Variants in ADAT1 observed in about 807,000 individuals in gnomAD.
ADAT1 encodes tRNA-specific adenosine deaminase 1.
In ADAT1, 58 loss-of-function variants were observed where a neutral mutation model predicts 58.6. That is an observed-to-expected ratio of 0.99 (90% CI 0.80 to 1.23). The LOEUF (loss-of-function observed/expected upper bound fraction) is 1.23. Ranked by LOEUF, ADAT1 falls within the 50% of genes most tolerant of loss-of-function variation. The pLI is 0.00. For synonymous variants in ADAT1, 254 were observed against 220.8 expected, an observed-to-expected ratio of 1.15 and a Z score of -1.33; for missense variants, 741 against 608.6, an observed-to-expected ratio of 1.22 and a Z score of -2.29.
intron 8 of ADAT1, among the ~76,000 whole-genome samples, chr16:75,604,633 A>T (rs1485016868): frequency 6.6e-6 from 1 of 151,424 alleles, no homozygotes; most frequent in Non-Finnish European, 1.5e-5. Context: ...AGAGTACTTA[A>T]ATTTATAAAG....
At chr16:75,606,814 A>C (rs1404732598) in intron 8 of ADAT1, among the ~76,000 whole-genome samples, 1 of 152,254 alleles carries the variant, frequency 6.6e-6, no homozygotes. Context: ...GTTACATAGA[A>C]ACAGATAACT....
In ADAT1 at chr16:75,598,716, A is replaced by G. The variant is rs2081138634; in HGVS notation, c.*1500T>C. ...GTATTTTTAGCAGAGACGGGGTTTC[A>G]TCATGTTGGCCAGACTGGTCTCGAA... On this transcript the variant is annotated 3_prime_UTR_variant, in exon 10 of 10. Transcript: ENST00000564657. 6.6e-6 allele frequency among the ~76,000 whole-genome samples: 1 copy of G among 151,484 alleles called. No homozygotes were observed. Among genetic ancestry groups the G allele is most frequent in the South Asian group, 2.1e-4 (1 of 4,804 alleles).
intron 9 of ADAT1, 73 bp from the exon 10 acceptor site, chr16:75,600,421 G>C: frequency 6.3e-7 from 1 of 1,585,672 alleles, no homozygotes; most frequent in Non-Finnish European, 8.6e-7. Flanking sequence ...AGACACCTGA[G>C]CAAGCAACTG....
Position 75,600,032 on chromosome 16 carries a change from G to C in ADAT1, c.*184C>G. 7.1e-7 allele frequency: 1 copy of C among 1,411,238 alleles called. No homozygotes were observed. The highest frequency in any genetic ancestry group is 9.3e-7 in the Non-Finnish European group (1 of 1,079,892). The allele number at this position is 1,411,238 out of a possible 1,614,324, so 87.4% of individuals were successfully genotyped here. ...TCATTAGTGAGATGCCATTTTAGCA[G>C]AGAGCTACTTCAATCAAGTATAGCT... On this transcript the variant is annotated 3_prime_UTR_variant, in exon 10 of 10. Coordinates refer to ENST00000564657, the MANE Select transcript of ADAT1 (RefSeq NM_001324445.2).
intron 8 of ADAT1, among the ~76,000 whole-genome samples, chr16:75,605,827 C>T (rs2081353066): frequency 6.6e-6 from 1 of 150,822 alleles, no homozygotes; most frequent in Non-Finnish European, 1.5e-5. Context: ...ATCCCAGCTA[C>T]TCGGGAGGCT....
At chr16:75,603,243 A>C (rs1030404544) in intron 8 of ADAT1, 72 bp from the exon 9 acceptor site, 7 of 1,358,862 alleles carry the variant, frequency 5.2e-6, no homozygotes, top group African/African-American at 1.4e-5. Flanking sequence ...CAAAGATGCC[A>C]GGCTTCATGT....
At chr16:75,611,863 G>A (rs897582146) in intron 6 of ADAT1, among the ~76,000 whole-genome samples, 3 of 151,896 alleles carry the variant, frequency 2.0e-5, no homozygotes, top group Non-Finnish European at 4.4e-5. Flanking sequence ...TTTGAGACCA[G>A]CCTGACCAAC....
Position 75,597,592 on chromosome 16 carries a change from C to T in ADAT1, c.*2624G>A, listed in dbSNP as rs1025558864. Reference sequence around the variant, plus strand: ...ATTACATTTACTGTGCACTGTATTTCTATTATTATTACATCGTAATACATG... The same window carrying T: ...ATTACATTTACTGTGCACTGTATTTTTATTATTATTACATCGTAATACATG... On this transcript the variant is annotated 3_prime_UTR_variant, in exon 10 of 10. Transcript: ENST00000564657. 2.0e-5 allele frequency among the ~76,000 whole-genome samples: 3 copies of T among 152,158 alleles called. No individual in the cohort carries two copies. The highest frequency in any genetic ancestry group is 4.4e-5 in the Non-Finnish European group (3 of 68,024).
Position 75,617,252 on chromosome 16 carries a change from T to C in ADAT1, c.314A>G (p.Gln105Arg), listed in dbSNP as rs770205207. The change falls in exon 5 of 10, where the codon CAG (glutamine) becomes CGG (arginine). Residue 105 changes from glutamine (Q) to arginine (R), a missense_variant. Gln to Arg is a conservative substitution (Grantham distance 43). Transcript: ENST00000564657. ...ATCCTCTTTCAGGGTGGCTGCCAAC[T>C]GGAGTTGGTGGAGAAGGTACCTAAG... ...SFQRYLLHQL[Q>R]LAATLKEDSI... 1.2e-6 allele frequency: 2 copies of C among 1,613,486 alleles called. No individual in the cohort carries two copies. The highest frequency in any genetic ancestry group is 1.7e-6 in the Non-Finnish European group (2 of 1,179,446).
intron 2 of ADAT1, 124 bp downstream of exon 2, chr16:75,620,507 G>C: frequency 7.1e-7 from 1 of 1,414,150 alleles, no homozygotes; most frequent in Non-Finnish European, 9.8e-7. Flanking sequence ...ACCTAGCAGA[G>C]GACAAGCACA....
chr16:75,600,568 G>A (rs890391779), intron 9 of ADAT1, among the ~76,000 whole-genome samples: 9 of 152,176 alleles, frequency 5.9e-5, no homozygotes, highest in African/African-American at 1.7e-4. Context: ...CACTCAGGGC[G>A]CATAACATTG....
intron 5 of ADAT1, among the ~76,000 whole-genome samples, chr16:75,616,712 T>G (rs1253491513): frequency 6.6e-6 from 1 of 152,232 alleles, no homozygotes; most frequent in African/African-American, 2.4e-5. Flanking sequence ...AGCAATATGC[T>G]AGTCTTATTC....
At chr16:75,616,835 C>G (rs991233487) in intron 5 of ADAT1, among the ~76,000 whole-genome samples, 1 of 152,208 alleles carries the variant, frequency 6.6e-6, no homozygotes, top group African/African-American at 2.4e-5. Flanking sequence ...GATTTCCAAG[C>G]CCCATGTTGG....
chr16:75,608,043 C>T (rs997563294), intron 8 of ADAT1, among the ~76,000 whole-genome samples, 181 bp downstream of exon 8: 21 of 152,114 alleles, frequency 1.4e-4, no homozygotes, highest in Non-Finnish European at 2.2e-4. Flanking sequence ...GACAAATCCA[C>T]GGAGACAGGA....
chr16:75,602,498 A>G (rs972617652), intron 9 of ADAT1, among the ~76,000 whole-genome samples: 5 of 152,180 alleles, frequency 3.3e-5, no homozygotes, highest in Non-Finnish European at 7.4e-5. Context: ...GAGACACTCA[A>G]ATTTGTAGCC....
intron 5 of ADAT1, among the ~76,000 whole-genome samples, chr16:75,613,984 G>C (rs926170148): frequency 6.6e-6 from 1 of 152,108 alleles, no homozygotes; most frequent in Admixed American, 6.5e-5. Context: ...GAGGTGAGGA[G>C]TTCGAGACCA....
chr16:75,612,303 G>C lies in ADAT1; in HGVS notation c.983C>G (p.Ala328Gly). Residue 328 changes from alanine (A) to glycine (G), a missense_variant, in exon 6 of 10, where the codon GCT becomes GGT. Physicochemically the swap from Ala to Gly is moderately conservative, Grantham distance 60. Transcript: ENST00000564657. Reference protein sequence around the residue: ...HLLEEPIYLSAVVIGKCPYSQ... With the variant: ...HLLEEPIYLSGVVIGKCPYSQ... ...GTATGGGCACTTCCCAATGACCACAGCTGACAGGTAGATGGGCTCTTCCAG... is the reference window on the plus strand; with the variant it reads ...GTATGGGCACTTCCCAATGACCACACCTGACAGGTAGATGGGCTCTTCCAG... 1 of 1,614,158 alleles carries C rather than the reference G, an allele frequency of 6.2e-7. No individual in the cohort carries two copies. Among genetic ancestry groups the C allele is most frequent in the South Asian group, 1.1e-5 (1 of 91,082 alleles).
At chr16:75,621,532 A>G (rs2081929813) in intron 1 of ADAT1, among the ~76,000 whole-genome samples, 1 of 152,210 alleles carries the variant, frequency 6.6e-6, no homozygotes, top group Non-Finnish European at 1.5e-5. Context: ...TGTGAAGATT[A>G]AATAATACTT....
chr16:75,609,790 GC>G (rs1050355824), intron 6 of ADAT1, among the ~76,000 whole-genome samples: 49 of 152,126 alleles, frequency 3.2e-4, no homozygotes, highest in African/African-American at 1.0e-3. Flanking sequence ...TGCAACTTCT[GC>G]CCCCTGGTCT....
Sources: gnomAD v4.1 joint callset for allele counts (sites outside exome capture counted in the v4.1 genomes callset) on GRCh38, gnomAD v4.1.1 for gene constraint, MANE v1.5 for transcripts, NCBI Gene and HGNC (gene_info 2026-07-23, HGNC 2026-07-21) for gene names.